SCHIP1: variants seen among roughly 807,000 people sequenced by gnomAD.
SCHIP1 encodes the protein schwannomin interacting protein 1.
A neutral mutation model predicts 29.7 loss-of-function variants in SCHIP1; 8 were observed. The ratio of observed to expected loss-of-function variants is 0.27; its 90% CI spans 0.16 to 0.49. The LOEUF (loss-of-function observed/expected upper bound fraction) is 0.49, where lower values mean the gene tolerates loss of function less well. Among genes scored for constraint, SCHIP1 ranks in the 20% least tolerant of loss-of-function variants. SCHIP1 has a pLI of 0.99. For missense variants in SCHIP1, 193 were observed against 294.6 expected (o/e 0.66, Z 2.52); for synonymous variants, 76 against 94.9 (o/e 0.80, Z 1.16).
At chr3:159,849,385 G>A (rs573477272) in intron 1 of SCHIP1, among the ~76,000 whole-genome samples, 21 of 152,072 alleles carry the variant, frequency 1.4e-4, no homozygotes, top group East Asian at 5.8e-4. Flanking sequence ...TGTATCTTAC[G>A]GAGTCTTGCA....
the SCHIP1 span, among the ~76,000 whole-genome samples, chr3:159,816,149 A>G: frequency 6.6e-6 from 1 of 151,992 alleles, no homozygotes; most frequent in South Asian, 2.1e-4. Context: ...GGATTTCATC[A>G]TGTCGGCCAG....
chr3:159,565,584 G>A, the SCHIP1 span, among the ~76,000 whole-genome samples: 1 of 152,148 alleles, frequency 6.6e-6, no homozygotes. Flanking sequence ...ATACAGGATG[G>A]ACTGTTCTTA....
At chr3:159,828,023 T>C in the SCHIP1 span, among the ~76,000 whole-genome samples, 1 of 151,960 alleles carries the variant, frequency 6.6e-6, no homozygotes, top group Non-Finnish European at 1.5e-5. Flanking sequence ...AAATCTAATT[T>C]TTTTTTGTTG....
At chr3:159,303,466 C>T in the SCHIP1 span, among the ~76,000 whole-genome samples, 3 of 100,030 alleles carry the variant, frequency 3.0e-5, no homozygotes, top group African/African-American at 1.1e-4. Flanking sequence ...GAGAGAAGAA[C>T]AAAGAAAAGA....
the SCHIP1 span, among the ~76,000 whole-genome samples, chr3:159,660,223 A>T: frequency 6.6e-6 from 1 of 152,094 alleles, no homozygotes; most frequent in Non-Finnish European, 1.5e-5. Flanking sequence ...CACGCAAATG[A>T]TGATGGGAGT....
upstream of SCHIP1, among the ~76,000 whole-genome samples, chr3:159,836,488 C>T (rs141561307): frequency 1.1e-4 from 16 of 152,262 alleles, no homozygotes; most frequent in Non-Finnish European, 2.1e-4. Context: ...ACATTCAGAC[C>T]ATAGGAGCAT....
At chr3:159,853,197 G>A in intron 1 of SCHIP1, 1 of 449,238 alleles carries the variant, frequency 2.2e-6, no homozygotes, top group African/African-American at 2.0e-5. Flanking sequence ...AAAGGCCAGG[G>A]AGGCTGGGCG....
At chr3:159,522,269 A>T in the SCHIP1 span, among the ~76,000 whole-genome samples, 11 of 152,240 alleles carry the variant, frequency 7.2e-5, no homozygotes, top group African/African-American at 2.7e-4. Context: ...TTGTCAGAAG[A>T]AATGGGCCTA....
the SCHIP1 span, among the ~76,000 whole-genome samples, chr3:159,384,532 T>C: frequency 6.8e-6 from 1 of 147,848 alleles, no homozygotes; most frequent in African/African-American, 2.5e-5. Flanking sequence ...TGAGGATTTT[T>C]GCATCAATGT....
At chr3:159,616,784 C>G in the SCHIP1 span, among the ~76,000 whole-genome samples, 1 of 152,164 alleles carries the variant, frequency 6.6e-6, no homozygotes, top group Non-Finnish European at 1.5e-5. Flanking sequence ...CTTACCTCAT[C>G]ATTGTCCTCA....
At chr3:159,769,474 G>C in the SCHIP1 span, among the ~76,000 whole-genome samples, 1 of 152,210 alleles carries the variant, frequency 6.6e-6, no homozygotes, top group Non-Finnish European at 1.5e-5. Context: ...TATTGGCCAG[G>C]CATGGTGGCT....
chr3:159,462,911 T>A, the SCHIP1 span, among the ~76,000 whole-genome samples: 961 of 152,246 alleles, frequency 6.3e-3, 6 homozygotes, highest in African/African-American at 0.022. Flanking sequence ...CCAACTTAAA[T>A]GTTTACCAGA....
the SCHIP1 span, among the ~76,000 whole-genome samples, chr3:159,477,233 A>C: frequency 3.5e-4 from 54 of 152,300 alleles, no homozygotes; most frequent in East Asian, 0.01. Context: ...TATTGTGAAT[A>C]ATGCTGCTGT....
the SCHIP1 span, among the ~76,000 whole-genome samples, chr3:159,810,850 A>G: frequency 6.6e-6 from 1 of 152,234 alleles, no homozygotes; most frequent in Non-Finnish European, 1.5e-5. Context: ...ATCATATGGT[A>G]AATTTATGTT....
the SCHIP1 span, among the ~76,000 whole-genome samples, chr3:159,681,743 A>G: frequency 7.4e-4 from 113 of 152,158 alleles, no homozygotes; most frequent in African/African-American, 2.7e-3. Context: ...GTTGGACTTT[A>G]ACCAAAATCT....
the SCHIP1 span, among the ~76,000 whole-genome samples, chr3:159,491,080 C>A: frequency 6.6e-6 from 1 of 152,194 alleles, no homozygotes; most frequent in Non-Finnish European, 1.5e-5. Context: ...ACAGTAACAT[C>A]AGTGCTGAGC....
chr3:159,641,411 A>T, the SCHIP1 span, among the ~76,000 whole-genome samples: 2 of 152,170 alleles, frequency 1.3e-5, no homozygotes, highest in South Asian at 4.1e-4. Flanking sequence ...TGCAAAAGGC[A>T]CTCCCATTTT....
At chr3:159,877,780 G>T (rs1715991971) in intron 2 of SCHIP1, among the ~76,000 whole-genome samples, 2 of 152,150 alleles carry the variant, frequency 1.3e-5, no homozygotes, top group Admixed American at 6.5e-5. Flanking sequence ...ATCAGCAGGT[G>T]GGGTAGATAG....
At chr3:159,299,368 A>C in the SCHIP1 span, among the ~76,000 whole-genome samples, 1 of 152,178 alleles carries the variant, frequency 6.6e-6, no homozygotes, top group East Asian at 1.9e-4. Context: ...AAGTCTATAC[A>C]GGTGCTGGTT....
Sources: allele counts gnomAD v4.1 joint callset (sites outside exome capture counted in the v4.1 genomes callset), GRCh38; gene constraint gnomAD v4.1.1; transcripts MANE v1.5; gene names NCBI Gene and HGNC (gene_info 2026-07-23, HGNC 2026-07-21).